Variants in ANKRD1 observed in about 807,000 individuals in gnomAD.
ANKRD1 encodes ankyrin repeat domain-containing protein 1.
In ANKRD1, 32 loss-of-function variants were observed where a neutral mutation model predicts 40.1. That is an observed-to-expected ratio of 0.80 (90% CI 0.60 to 1.07). The LOEUF (loss-of-function observed/expected upper bound fraction) is 1.07. Among genes scored for constraint, ANKRD1 ranks in the 50% least tolerant of loss-of-function variants. The probability of loss-of-function intolerance (pLI) is 0.00; values close to 1 mark genes in which losing one functional copy is unlikely to be tolerated. For missense variants in ANKRD1, 359 were observed against 386.0 expected (o/e 0.93, Z 0.59); for synonymous variants, 149 against 141.2 (o/e 1.06, Z -0.39).
chr10:90,921,085 C>T lies in ANKRD1; in HGVS notation c.-58G>A, dbSNP rs752451600. 9.0e-6 allele frequency: 14 copies of T among 1,562,462 alleles called. No homozygotes were observed. The highest frequency in any genetic ancestry group is 9.7e-6 in the Non-Finnish European group (11 of 1,133,558). Reference sequence around the variant, plus strand: ...CGTGGAAGGAATCCCTGGAGTTGGCCCTGCTGGGCCCCTCCACACCGGTCA... The same window carrying T: ...CGTGGAAGGAATCCCTGGAGTTGGCTCTGCTGGGCCCCTCCACACCGGTCA... On this transcript the variant is annotated 5_prime_UTR_variant, in exon 1 of 9. Transcript: ENST00000371697.
At position 90,918,862 on chromosome 10, in the gene ANKRD1, T is replaced by C; in HGVS notation, c.453+3A>G. On this transcript the variant is annotated splice_donor_region_variant and intron_variant, in intron 4 of 8. Coordinates refer to ENST00000371697, the MANE Select transcript of ANKRD1 (RefSeq NM_014391.3). ...ATTTTGCAGTGCTTTGCATGAGTCTTACCTCATCACAAACATCTGGATTGT... is the reference window on the plus strand; with the variant it reads ...ATTTTGCAGTGCTTTGCATGAGTCTCACCTCATCACAAACATCTGGATTGT... 6.2e-7 allele frequency: 1 copy of C among 1,601,250 alleles called. No homozygotes were observed.
At position 90,916,289 on chromosome 10, in the gene ANKRD1, C is replaced by T. The variant is rs1336216486; in HGVS notation, c.553-20G>A. ...TTCAAGCTATACCGGGAGGGAAGAC[C>T]CGACAATGTGAAGGAGAATGTGGTC... On this transcript the variant is annotated intron_variant, in intron 5 of 8. Coordinates refer to ENST00000371697, the MANE Select transcript of ANKRD1 (RefSeq NM_014391.3). The T allele has an allele frequency of 6.3e-7, 1 of 1,576,360 alleles. No homozygotes were observed.
In ANKRD1 at chr10:90,920,268, A is replaced by C; in HGVS notation, c.108T>G (p.Ala36=). 6.2e-7 allele frequency: 1 copy of C among 1,614,150 alleles called. No individual in the cohort carries two copies. The highest frequency in any genetic ancestry group is 1.1e-5 in the South Asian group (1 of 91,082). Residue 36 remains alanine, a synonymous_variant, in exon 2 of 9, where the codon GCT becomes GCG. Transcript: ENST00000371697. The part of the protein sequence containing the change: ...EDFRDGEYEA[A]VTLEKQEDLK... ...GATCCTCCTGCTTCTCTAAAGTAAC[A>C]GCAGCTTCATACTCTCCATCTCTGA...
chr10:90,920,864 T>C, intron 1 of ANKRD1, 137 bp downstream of exon 1: 1 of 792,136 alleles, frequency 1.3e-6, no homozygotes, highest in Middle Eastern at 2.4e-4. Flanking sequence ...ACTTGTTTCA[T>C]CACATCAACC....
At chr10:90,919,838 A>G (rs1290370465) in intron 2 of ANKRD1, among the ~76,000 whole-genome samples, 1 of 152,214 alleles carries the variant, frequency 6.6e-6, no homozygotes, top group African/African-American at 2.4e-5. Context: ...TGATCTATGG[A>G]CCACAGACCA....
rs770964561 is a variant in ANKRD1 at position 90,918,854 on chromosome 10, A to G, written c.453+11T>C. ...TGAGCTGGATTTTGCAGTGCTTTGC[A>G]TGAGTCTTACCTCATCACAAACATC... On this transcript the variant is annotated intron_variant, in intron 4 of 8. Coordinates refer to ENST00000371697, the MANE Select transcript of ANKRD1 (RefSeq NM_014391.3). 8.8e-6 allele frequency: 14 copies of G among 1,589,862 alleles called. No homozygotes were observed. The highest frequency in any genetic ancestry group is 1.0e-5 in the Non-Finnish European group (12 of 1,160,588).
intron 8 of ANKRD1, among the ~76,000 whole-genome samples, chr10:90,913,822 T>C (rs1847341948): frequency 6.6e-6 from 1 of 152,130 alleles, no homozygotes; most frequent in Non-Finnish European, 1.5e-5. Flanking sequence ...TTGGCAACAG[T>C]TGGAAACCAA....
At chr10:90,919,313 A>G (rs1343013447) in intron 2 of ANKRD1, 45 bp from the exon 3 acceptor site, 2 of 1,557,410 alleles carry the variant, frequency 1.3e-6, no homozygotes, top group Non-Finnish European at 1.7e-6. Context: ...AGTTCTACTG[A>G]CAAGCATTCT....
At chr10:90,919,307 C>T (rs111916097) in intron 2 of ANKRD1, 39 bp from the exon 3 acceptor site, 4 of 1,570,930 alleles carry the variant, frequency 2.5e-6, no homozygotes, top group Admixed American at 1.7e-5. Context: ...ATGGTGAGTT[C>T]TACTGACAAG....
intron 5 of ANKRD1, among the ~76,000 whole-genome samples, chr10:90,917,065 C>T (rs1250286066): frequency 1.3e-5 from 2 of 151,454 alleles, no homozygotes; most frequent in Non-Finnish European, 2.9e-5. Context: ...ATTTTTTTTT[C>T]AATGTGTTTA....
intron 2 of ANKRD1, 152 bp downstream of exon 2, chr10:90,920,017 C>T (rs1847417594): frequency 2.1e-6 from 2 of 965,534 alleles, no homozygotes; most frequent in South Asian, 1.3e-5. Context: ...TTTCCCAAAA[C>T]CTGTTCCATA....
In ANKRD1 at chr10:90,915,762, G is replaced by T; in HGVS notation, c.750+20C>A. Reference sequence around the variant, plus strand: ...AAAGCAATGAAGCTTTGGGAAACCCGAGCGTGTCCAGCTACTCACTCTGTC... The same window carrying T: ...AAAGCAATGAAGCTTTGGGAAACCCTAGCGTGTCCAGCTACTCACTCTGTC... On this transcript the variant is annotated intron_variant, in intron 7 of 8. Transcript: ENST00000371697. 1 of 1,613,486 alleles carries T rather than the reference G, an allele frequency of 6.2e-7. No homozygotes were observed. Among genetic ancestry groups the T allele is most frequent in the South Asian group, 1.1e-5 (1 of 91,036 alleles).
intron 2 of ANKRD1, 124 bp from the exon 3 acceptor site, chr10:90,919,392 T>TA (rs1221114275): frequency 3.8e-6 from 3 of 789,850 alleles, no homozygotes; most frequent in Non-Finnish European, 5.8e-6. Context: ...AAACATTTTT[T>TA]AAAAATTATA....
At chr10:90,917,678 G>A in intron 5 of ANKRD1, 54 bp downstream of exon 5, 6 of 1,505,008 alleles carry the variant, frequency 4.0e-6, no homozygotes, top group East Asian at 4.5e-5. Flanking sequence ...GTTTTCCGGA[G>A]CTTCATATAG....
At chr10:90,913,370 T>C (rs1056143314) in intron 8 of ANKRD1, among the ~76,000 whole-genome samples, 4 of 152,356 alleles carry the variant, frequency 2.6e-5, no homozygotes, top group East Asian at 1.9e-4. Flanking sequence ...TCCATTTGAA[T>C]GATAGTTCTT....
At chr10:90,917,871 T>TA in intron 4 of ANKRD1, 41 bp from the exon 5 acceptor site, 1 of 1,532,228 alleles carries the variant, frequency 6.5e-7, no homozygotes, top group Non-Finnish European at 9.0e-7. Flanking sequence ...GCAATAAATA[T>TA]AAAAATGTGT....
intron 8 of ANKRD1, among the ~76,000 whole-genome samples, chr10:90,913,788 G>T (rs947682376): frequency 6.6e-6 from 1 of 152,108 alleles, no homozygotes; most frequent in African/African-American, 2.4e-5. Context: ...ACAGAACTTA[G>T]ATTTTTTTTA....
At chr10:90,916,945 T>C (rs2120267669) in intron 5 of ANKRD1, among the ~76,000 whole-genome samples, 1 of 152,290 alleles carries the variant, frequency 6.6e-6, no homozygotes, top group East Asian at 1.9e-4. Flanking sequence ...CGTGTATAGT[T>C]ACCCCTAGGA....
rs1352743392 is a variant in ANKRD1, at chr10:90,912,381, C to T, written c.*485G>A. 1.3e-5 allele frequency: 2 copies of T among 154,972 alleles called. No homozygotes were observed. The highest frequency in any genetic ancestry group is 4.9e-5 in the African/African-American group (2 of 40,886). 9.6% of individuals were successfully genotyped at this position (154,972 alleles called of 1,614,324 possible). A position where few individuals can be genotyped will look rare whatever the true frequency, so the allele number is the denominator to read the frequency against. Reference sequence around the variant, plus strand: ...CCTTTTCACAGAATCACTTTCCTTCCATTGTTTCCTTTCCTGTCCCTACAT... The same window carrying T: ...CCTTTTCACAGAATCACTTTCCTTCTATTGTTTCCTTTCCTGTCCCTACAT... On this transcript the variant is annotated 3_prime_UTR_variant, in exon 9 of 9. Transcript: ENST00000371697.
Sources: allele counts gnomAD v4.1 joint callset (sites outside exome capture counted in the v4.1 genomes callset), GRCh38; gene constraint gnomAD v4.1.1; transcripts MANE v1.5; gene names NCBI Gene and HGNC (gene_info 2026-07-23, HGNC 2026-07-21).